The following STAU2 variants were observed in gnomAD, a reference collection of about 807,000 sequenced individuals.
STAU2 encodes double-stranded RNA-binding protein Staufen homolog 2.
STAU2 carries 20 observed loss-of-function variants against 65.9 expected under a neutral mutation model. The ratio of observed to expected loss-of-function variants is 0.30; its 90% CI spans 0.21 to 0.44. The LOEUF (loss-of-function observed/expected upper bound fraction) is 0.44. Among genes scored for constraint, STAU2 ranks in the 20% least tolerant of loss-of-function variants. STAU2 has a pLI of 1.00. For synonymous variants in STAU2, 232 were observed against 233.9 expected, an observed-to-expected ratio of 0.99 and a Z score of 0.07; for missense variants, 558 against 683.9, an observed-to-expected ratio of 0.82 and a Z score of 2.05.
chr8:73,625,426 T>G (rs1813563819), intron 6 of STAU2, among the ~76,000 whole-genome samples: 1 of 152,214 alleles, frequency 6.6e-6, no homozygotes, highest in South Asian at 2.1e-4. Context: ...ACTTACATTA[T>G]GCTAAGTGAA....
At chr8:73,429,704 T>C (rs1468111425) in intron 13 of STAU2, among the ~76,000 whole-genome samples, 1 of 152,078 alleles carries the variant, frequency 6.6e-6, no homozygotes, top group East Asian at 1.9e-4. Context: ...TTCAAAGTGC[T>C]GGGATCACAG....
At chr8:73,447,953 A>G (rs974642937) in intron 13 of STAU2, among the ~76,000 whole-genome samples, 1 of 152,140 alleles carries the variant, frequency 6.6e-6, no homozygotes, top group Non-Finnish European at 1.5e-5. Context: ...GAGTGCACAC[A>G]CTGGCTACGG....
intron 13 of STAU2, among the ~76,000 whole-genome samples, chr8:73,521,639 G>A (rs898387088): frequency 1.3e-5 from 2 of 152,132 alleles, no homozygotes; most frequent in Admixed American, 1.3e-4. Flanking sequence ...TGAACTTCCT[G>A]GGCTAGTAAT....
At chr8:73,600,610 G>T (rs1427126113) in intron 10 of STAU2, among the ~76,000 whole-genome samples, 4 of 152,110 alleles carry the variant, frequency 2.6e-5, no homozygotes, top group Non-Finnish European at 5.9e-5. Flanking sequence ...TCCCTATGTT[G>T]CTGCTGGAAT....
chr8:73,611,655 A>G (rs56263714), intron 9 of STAU2, among the ~76,000 whole-genome samples: 23,284 of 150,188 alleles, frequency 0.16, 1,839 homozygotes, highest in African/African-American at 0.18. Flanking sequence ...ACAGTTTATT[A>G]TGATGATTAT....
rs541949637 is a variant in STAU2 at position 73,577,195 on chromosome 8, A to G, written c.1222+5575T>C. Among the ~76,000 whole-genome samples the G allele has an allele frequency of 8.1e-4, 124 of 152,238 alleles. No individual in the cohort carries two copies. In the East Asian group the frequency reaches 0.019, roughly 23 times the overall value. On this transcript the variant is annotated intron_variant, in intron 12 of 14. Transcript: ENST00000524300. ...TGTAATCCCAGCACTTTGGGAGGCC[A>G]AGGTGGGCAGATCACAAGGTCAGGA...
chr8:73,721,288 A>C (rs1231064499), intron 3 of STAU2, among the ~76,000 whole-genome samples: 10 of 105,586 alleles, frequency 9.5e-5, no homozygotes, highest in Non-Finnish European at 1.3e-4. Flanking sequence ...CCCCACCTCC[A>C]AAAAAAAAAA....
intron 3 of STAU2, among the ~76,000 whole-genome samples, chr8:73,726,352 C>A (rs986682165): frequency 6.6e-6 from 1 of 152,144 alleles, no homozygotes; most frequent in African/African-American, 2.4e-5. Context: ...GTGATGGGTG[C>A]ACCAAAGTCT....
chr8:73,683,414 A>G (rs1362424474), intron 5 of STAU2, among the ~76,000 whole-genome samples: 3 of 152,164 alleles, frequency 2.0e-5, no homozygotes, highest in Non-Finnish European at 4.4e-5. Flanking sequence ...CAGCATCCCT[A>G]TATGATTAAA....
chr8:73,439,557 G>A (rs755931569), intron 13 of STAU2, among the ~76,000 whole-genome samples: 3 of 152,328 alleles, frequency 2.0e-5, no homozygotes, highest in Admixed American at 6.5e-5. Context: ...GGTAGAGGCC[G>A]CAGTGACAGG....
intron 10 of STAU2, among the ~76,000 whole-genome samples, 200 bp from the exon 11 acceptor site, chr8:73,595,497 A>T (rs1296694727): frequency 6.6e-6 from 1 of 152,150 alleles, no homozygotes; most frequent in Non-Finnish European, 1.5e-5. Context: ...TCAATGGAGG[A>T]TTATCTCAGG....
In STAU2 at chr8:73,654,907, G is replaced by C. The variant is rs538766232; in HGVS notation, c.410+18200C>G. 2.4e-4 allele frequency among the ~76,000 whole-genome samples: 36 copies of C among 151,924 alleles called. 2 individuals carry two copies. The highest frequency in any genetic ancestry group is 8.4e-4 in the African/African-American group (35 of 41,464). On this transcript the variant is annotated intron_variant, in intron 6 of 14. Coordinates refer to ENST00000524300, the MANE Select transcript of STAU2 (RefSeq NM_001164380.2). ...TCACCGTGTTAGCCAGGATGGTCTCGATCTCCTGACCTCGTGATCTGCCCG... is the reference window on the plus strand; with the variant it reads ...TCACCGTGTTAGCCAGGATGGTCTCCATCTCCTGACCTCGTGATCTGCCCG...
At chr8:73,736,091 T>C (rs1423322315) in intron 3 of STAU2, among the ~76,000 whole-genome samples, 2 of 152,234 alleles carry the variant, frequency 1.3e-5, no homozygotes, top group Non-Finnish European at 2.9e-5. Context: ...TTTAAATTAT[T>C]AGTAATGTTT....
rs71561522 is a variant in STAU2 at position 73,429,413 on chromosome 8, CTTTTTTTTTTTTTTTTTTTTTT to C, written c.1531-6733_1531-6712del. ...AACCAATCTATATTCTTGCTCAGGT[CTTTTTTTTTTTTTTTTTTTTTT>C]TTTTTTTTTTTTTTTGAGGCAAAGT... On this transcript the variant is annotated intron_variant, in intron 13 of 14. Coordinates refer to ENST00000524300, the MANE Select transcript of STAU2 (RefSeq NM_001164380.2). Among the ~76,000 whole-genome samples the C allele has an allele frequency of 8.1e-4, 53 of 65,372 alleles. 1 individual carries two copies. The highest frequency in any genetic ancestry group is 1.4e-3 in the African/African-American group (32 of 22,358). The allele number at this position is 65,372 out of a possible 152,430, so 42.9% of individuals were successfully genotyped here.
At chr8:73,564,467 C>T (rs1808454002) in intron 12 of STAU2, among the ~76,000 whole-genome samples, 1 of 151,994 alleles carries the variant, frequency 6.6e-6, no homozygotes, top group African/African-American at 2.4e-5. Flanking sequence ...AGGGGAATAA[C>T]ACACACTGGA....
At chr8:73,686,548 C>CTAAA (rs1818839334) in intron 5 of STAU2, among the ~76,000 whole-genome samples, 4 of 97,860 alleles carry the variant, frequency 4.1e-5, no homozygotes, top group African/African-American at 7.4e-5. Flanking sequence ...GACTCCCCCT[C>CTAAA]AAAAAAAAAA....
intron 9 of STAU2, among the ~76,000 whole-genome samples, chr8:73,609,753 A>G (rs1586115605): frequency 2.0e-5 from 3 of 152,154 alleles, no homozygotes; most frequent in Non-Finnish European, 2.9e-5. Context: ...TGAAATCCCA[A>G]TGAAAAGGTA....
chr8:73,552,133 A>C lies in STAU2; in HGVS notation c.1409T>G (p.Met470Arg). 1 of 1,613,980 alleles carries C rather than the reference A, an allele frequency of 6.2e-7. No homozygotes were observed. Among genetic ancestry groups the C allele is most frequent in the Non-Finnish European group, 8.5e-7 (1 of 1,179,860 alleles). ...SSATIARELLMNGTSSTAEAI... is the reference protein window; with the variant it reads ...SSATIARELLRNGTSSTAEAI... ...TTCAGCTGTAGAAGATGTTCCATTCATAAGGAGTTCCCTGGCAATTGTAGC... is the reference window on the plus strand; with the variant it reads ...TTCAGCTGTAGAAGATGTTCCATTCCTAAGGAGTTCCCTGGCAATTGTAGC... The change falls in exon 13 of 15, where the codon ATG becomes AGG. Residue 470 changes from methionine (M) to arginine (R), a missense_variant. By Grantham distance (91) the Met-to-Arg change is moderately conservative. Around this residue, in one of 3 missense-constraint regions of STAU2, gnomAD observed 247 missense variants for 270.1 expected, o/e 0.91. Transcript: ENST00000524300.
At chr8:73,680,451 G>A (rs1268957803) in intron 5 of STAU2, among the ~76,000 whole-genome samples, 1 of 152,002 alleles carries the variant, frequency 6.6e-6, no homozygotes, top group African/African-American at 2.4e-5. Context: ...TCATCCCGTG[G>A]GATAAAAGAA....
Sources: allele counts gnomAD v4.1 joint callset (sites outside exome capture counted in the v4.1 genomes callset), GRCh38; gene constraint gnomAD v4.1.1; regional missense constraint gnomAD v4.1.1; transcripts MANE v1.5; gene names NCBI Gene and HGNC (gene_info 2026-07-23, HGNC 2026-07-21).